The following PCDHGB1 variants were observed in gnomAD, a reference collection of about 807,000 sequenced individuals.
PCDHGB1 encodes protocadherin gamma subfamily B, 1, also known as protocadherin gamma-B1.
In PCDHGB1, 34 loss-of-function variants were observed where a neutral mutation model predicts 56.6. That is an observed-to-expected ratio of 0.60 (90% CI 0.46 to 0.80). The LOEUF (loss-of-function observed/expected upper bound fraction) is 0.80. Among genes scored for constraint, PCDHGB1 ranks in the 30% least tolerant of loss-of-function variants. PCDHGB1 has a pLI of 0.00. For missense variants in PCDHGB1, 1,278 were observed against 1,204.6 expected, an observed-to-expected ratio of 1.06 and a Z score of -0.90; for synonymous variants, 561 against 505.9, an observed-to-expected ratio of 1.11 and a Z score of -1.46.
In PCDHGB1 at chr5:141,442,072, C is replaced by G. The variant is rs1034351866; in HGVS notation, c.2410-52735C>G. On this transcript the variant is annotated intron_variant, in intron 1 of 3. Transcript: ENST00000523390. ...GTCGCGGTGCACTGCGGTGGACAGC[C>G]GCTCCTCTCGCTACCGCCACGTCAC... 17 of 175,092 alleles carry G rather than the reference C, an allele frequency of 9.7e-5. No homozygotes were observed. The South Asian group carries it at 1.5e-3, about 16-fold the overall frequency. 10.8% of individuals were successfully genotyped at this position (175,092 alleles called of 1,614,324 possible). A position where few individuals can be genotyped will look rare whatever the true frequency, so the allele number is the denominator to read the frequency against.
In PCDHGB1 at chr5:141,352,429, T is replaced by C. The variant is rs541911946; in HGVS notation, c.2169T>C (p.Phe723=). ...CCAGCCTCGACACTGAGGGCTGCTT[T>C]CAAACCGGTCTCTGCTCCAAGTCTG... ...RSSSLDTEGC[F]QTGLCSKSGP... Residue 723 remains phenylalanine (F), a synonymous_variant, in exon 1 of 4, where the codon TTT becomes TTC. Coordinates refer to ENST00000523390, the MANE Select transcript of PCDHGB1 (RefSeq NM_018922.3). 13 of 1,614,058 alleles carry C rather than the reference T, an allele frequency of 8.1e-6. No individual in the cohort carries two copies. In the South Asian group the frequency reaches 1.3e-4, roughly 16 times the overall value.
chr5:141,415,311 C>T, intron 1 of PCDHGB1: 2 of 1,614,242 alleles, frequency 1.2e-6, no homozygotes, highest in Non-Finnish European at 1.7e-6. Context: ...TGGCCTTCGT[C>T]ATCGTGCTGC....
intron 1 of PCDHGB1, chr5:141,418,485 A>T: frequency 6.2e-7 from 1 of 1,614,028 alleles, no homozygotes; most frequent in Non-Finnish European, 8.5e-7. Flanking sequence ...AGCGCTCACC[A>T]CTTGGTACTG....
At chr5:141,423,120 G>A in intron 1 of PCDHGB1, 1 of 1,613,800 alleles carries the variant, frequency 6.2e-7, no homozygotes. Flanking sequence ...GTACAGCGCG[G>A]GCACTGCTGG....
chr5:141,355,142 CTCCTCAGGCCT>C, intron 1 of PCDHGB1: 1 of 1,526,256 alleles, frequency 6.6e-7, no homozygotes, highest in East Asian at 2.3e-5. Context: ...GATCCTGGGG[CTCCTCAGGCCT>C]CGACAGAGGG....
intron 2 of PCDHGB1, among the ~76,000 whole-genome samples, chr5:141,502,686 C>T (rs2099815631): frequency 6.6e-6 from 1 of 152,136 alleles, no homozygotes; most frequent in Admixed American, 6.5e-5. Flanking sequence ...CCCTGATGAT[C>T]CTTGCCTGTA....
intron 1 of PCDHGB1, chr5:141,408,974 G>A (rs899313364): frequency 6.2e-7 from 1 of 1,613,808 alleles, no homozygotes; most frequent in South Asian, 1.1e-5. Context: ...TCTGCCCCCT[G>A]GGTCCCCTGT....
At chr5:141,426,445 A>T (rs2096937062) in intron 1 of PCDHGB1, 1 of 310,256 alleles carries the variant, frequency 3.2e-6, no homozygotes, top group East Asian at 8.0e-5. Context: ...TGCGGAGGAC[A>T]TGCGGCTGCA....
chr5:141,360,056 A>C, intron 1 of PCDHGB1: 1 of 1,446,522 alleles, frequency 6.9e-7, no homozygotes, highest in Non-Finnish European at 9.1e-7. Flanking sequence ...CAAAAGCAGG[A>C]AAAGTGACCT....
At chr5:141,427,951 A>G in intron 1 of PCDHGB1, 1 of 1,586,612 alleles carries the variant, frequency 6.3e-7, no homozygotes, top group Non-Finnish European at 8.6e-7. Flanking sequence ...CTCAATGACA[A>G]TGTGCCGCGG....
chr5:141,373,902 T>G (rs973881316), intron 1 of PCDHGB1: 8 of 577,832 alleles, frequency 1.4e-5, no homozygotes, highest in Admixed American at 3.7e-5. Context: ...AGTTACATCC[T>G]CCAACAACAA....
In PCDHGB1 at chr5:141,431,508, G is replaced by A. The variant is rs774545870; in HGVS notation, c.2410-63299G>A. ...TTTGCTCAGCCCGAGTACCGCGCGA[G>A]CGTTCCGGAGAATCTGGCCTTGGGC... On this transcript the variant is annotated intron_variant, in intron 1 of 3. Coordinates refer to ENST00000523390, the MANE Select transcript of PCDHGB1 (RefSeq NM_018922.3). The surrounding 1 kb of genome is among the most constrained non-coding windows in gnomAD (Gnocchi z 4.8). 12 of 1,613,914 alleles carry A rather than the reference G, an allele frequency of 7.4e-6. No individual in the cohort carries two copies. Among genetic ancestry groups the A allele is most frequent in the East Asian group, 2.2e-5 (1 of 44,904 alleles).
chr5:141,423,026 G>T (rs1333695085), intron 1 of PCDHGB1: 1 of 1,614,210 alleles, frequency 6.2e-7, no homozygotes, highest in Admixed American at 1.7e-5. Context: ...AAAGATTCAG[G>T]CCAGAACGCC....
chr5:141,409,442 C>T, intron 1 of PCDHGB1: 2 of 1,613,998 alleles, frequency 1.2e-6, no homozygotes, highest in Non-Finnish European at 1.7e-6. Flanking sequence ...GGACCGAGAG[C>T]AGACACCAGA....
intron 1 of PCDHGB1, chr5:141,393,121 T>C: frequency 6.2e-7 from 1 of 1,613,428 alleles, no homozygotes; most frequent in Non-Finnish European, 8.5e-7. Context: ...CCGCGGTGTC[T>C]GATAAATATT....
chr5:141,462,372 C>A (rs2099038225), intron 1 of PCDHGB1, among the ~76,000 whole-genome samples: 1 of 152,096 alleles, frequency 6.6e-6, no homozygotes, highest in African/African-American at 2.4e-5. Flanking sequence ...AGTTTCTATT[C>A]TTTTAAATTC....
At chr5:141,419,088 T>C in intron 1 of PCDHGB1, 3 of 1,613,940 alleles carry the variant, frequency 1.9e-6, no homozygotes, top group Non-Finnish European at 2.5e-6. Context: ...GATGAGGCCC[T>C]GGATCGGGAG....
chr5:141,427,149 A>G (rs1303323489), intron 1 of PCDHGB1: 1 of 456,850 alleles, frequency 2.2e-6, no homozygotes, highest in Non-Finnish European at 4.4e-6. Context: ...TATTGGAAAT[A>G]TGTTTGTGCT....
intron 1 of PCDHGB1, among the ~76,000 whole-genome samples, chr5:141,454,796 A>AT (rs61612330): frequency 0.026 from 2,045 of 77,400 alleles, 387 homozygotes; most frequent in East Asian, 0.04. Flanking sequence ...CATGGTTCTA[A>AT]TTTTTTTTTT....
Sources: allele counts gnomAD v4.1 joint callset (sites outside exome capture counted in the v4.1 genomes callset), GRCh38; gene constraint gnomAD v4.1.1; non-coding constraint Gnocchi (gnomAD v3.1); transcripts MANE v1.5; gene names NCBI Gene and HGNC (gene_info 2026-07-23, HGNC 2026-07-21).